Variants in IGF2BP3 observed in about 807,000 individuals in gnomAD.
IGF2BP3 encodes insulin-like growth factor 2 mRNA-binding protein 3.
In IGF2BP3, 9 loss-of-function variants were observed where a neutral mutation model predicts 73.8. The ratio of observed to expected loss-of-function variants is 0.12; its 90% CI spans 0.07 to 0.21. The LOEUF is 0.21. IGF2BP3 is among the 10% of genes least tolerant of loss of function. The pLI is 1.00. For missense variants in IGF2BP3, 542 were observed against 714.0 expected (o/e 0.76, Z 2.75); for synonymous variants, 258 against 256.7 (o/e 1.01, Z -0.05).
At chr7:23,416,482 C>T (rs1244011489) in intron 3 of IGF2BP3, among the ~76,000 whole-genome samples, 3 of 152,176 alleles carry the variant, frequency 2.0e-5, no homozygotes, top group Non-Finnish European at 4.4e-5. Flanking sequence ...ATTTGTCACT[C>T]TATCTTCTGT....
chr7:23,457,488 T>G (rs946008213), intron 2 of IGF2BP3, among the ~76,000 whole-genome samples: 1 of 152,102 alleles, frequency 6.6e-6, no homozygotes, highest in Non-Finnish European at 1.5e-5. Context: ...TTTTTTAAAC[T>G]TCTCAACAAG....
chr7:23,314,988 A>G (rs1783943854), intron 12 of IGF2BP3, among the ~76,000 whole-genome samples: 1 of 151,560 alleles, frequency 6.6e-6, no homozygotes, highest in Non-Finnish European at 1.5e-5. Context: ...ATTTTAGTTG[A>G]GACGGGGATT....
intron 8 of IGF2BP3, 123 bp downstream of exon 8, chr7:23,345,817 A>T: frequency 8.9e-7 from 1 of 1,120,350 alleles, no homozygotes; most frequent in South Asian, 1.6e-5. Flanking sequence ...TTGAGAAACC[A>T]TGTGTAAGTA....
chr7:23,378,569 G>GTTTTTTTTTT (rs1156868701), intron 3 of IGF2BP3, among the ~76,000 whole-genome samples: 1 of 65,884 alleles, frequency 1.5e-5, no homozygotes, highest in Admixed American at 2.2e-4. Flanking sequence ...ATTTTTGCTT[G>GTTTTTTTTTT]TTTTTTTTTT....
intron 10 of IGF2BP3, among the ~76,000 whole-genome samples, chr7:23,330,194 G>C (rs1175450140): frequency 1.3e-5 from 2 of 152,146 alleles, no homozygotes; most frequent in South Asian, 2.1e-4. Flanking sequence ...GCTGAGGCAG[G>C]AGAATGGCTT....
At chr7:23,368,295 GAAGACAGA>G (rs1289243171) in intron 3 of IGF2BP3, among the ~76,000 whole-genome samples, 2 of 140,686 alleles carry the variant, frequency 1.4e-5, no homozygotes, top group Non-Finnish European at 3.1e-5. Context: ...TTAGTATAGC[GAAGACAGA>G]AAGAGAGAAA....
At chr7:23,327,185 A>G (rs1199362324) in intron 10 of IGF2BP3, among the ~76,000 whole-genome samples, 3 of 152,224 alleles carry the variant, frequency 2.0e-5, no homozygotes, top group Admixed American at 6.5e-5. Flanking sequence ...TTCCTATTGC[A>G]TAATACTATA....
intron 2 of IGF2BP3, among the ~76,000 whole-genome samples, chr7:23,462,694 TC>T (rs2128551858): frequency 6.6e-6 from 1 of 152,284 alleles, no homozygotes; most frequent in Admixed American, 6.5e-5. Context: ...TTAAACTATT[TC>T]CTAATCAAGT....
In IGF2BP3 at chr7:23,351,719, G is replaced by C. The variant is rs1250807305; in HGVS notation, c.402-133C>G. ...TCTGAGTGAAGCCCCAGCACAAGCA[G>C]CAAACCCGCAACACACATAATCCTC... On this transcript the variant is annotated intron_variant, in intron 5 of 14. Transcript: ENST00000258729. 9.3e-6 allele frequency: 8 copies of C among 860,980 alleles called. No individual in the cohort carries two copies. In the East Asian group the frequency reaches 1.8e-4, roughly 20 times the overall value. 53.3% of individuals were successfully genotyped at this position (860,980 alleles called of 1,614,324 possible). A position where few individuals can be genotyped will look rare whatever the true frequency, so the allele number is the denominator to read the frequency against.
intron 3 of IGF2BP3, among the ~76,000 whole-genome samples, chr7:23,418,211 A>G (rs1205224422): frequency 6.6e-6 from 1 of 152,182 alleles, no homozygotes; most frequent in Non-Finnish European, 1.5e-5. Context: ...TTGTCTGAAG[A>G]GTCAAAAGAC....
intron 10 of IGF2BP3, among the ~76,000 whole-genome samples, chr7:23,330,136 A>G (rs888009134): frequency 6.6e-6 from 1 of 151,956 alleles, no homozygotes; most frequent in African/African-American, 2.4e-5. Context: ...AATACAAAAA[A>G]TAAGCCAGGC....
rs182691880 is a variant in IGF2BP3 at position 23,460,883 on chromosome 7, G to A, written c.236+7599C>T. Among the ~76,000 whole-genome samples the A allele has an allele frequency of 6.8e-3, 1,027 of 152,112 alleles. 13 individuals carry two copies. Among genetic ancestry groups the A allele is most frequent in the African/African-American group, 0.022 (915 of 41,484 alleles). On this transcript the variant is annotated intron_variant, in intron 2 of 14. Transcript: ENST00000258729. ...GGAGGACCTCTTGAACCCGGGAGGC[G>A]GAGGCTGCAGTGAGCCAAGATCGCA...
chr7:23,440,976 C>G (rs1252329463), intron 2 of IGF2BP3, among the ~76,000 whole-genome samples: 1 of 152,130 alleles, frequency 6.6e-6, no homozygotes, highest in Non-Finnish European at 1.5e-5. Flanking sequence ...ATGTTTACAA[C>G]TTTAGGTATC....
intron 5 of IGF2BP3, among the ~76,000 whole-genome samples, chr7:23,356,370 C>T (rs1785096712): frequency 6.6e-6 from 1 of 150,962 alleles, no homozygotes; most frequent in South Asian, 2.1e-4. Flanking sequence ...TCAGCCTCGG[C>T]AACACAGTGA....
chr7:23,386,977 GA>G (rs1786102249), intron 3 of IGF2BP3, among the ~76,000 whole-genome samples: 1 of 151,138 alleles, frequency 6.6e-6, no homozygotes, highest in African/African-American at 2.5e-5. Flanking sequence ...TGAGGCAGGA[GA>G]ATTGCTTGAA....
At chr7:23,417,024 C>A (rs1356820852) in intron 3 of IGF2BP3, among the ~76,000 whole-genome samples, 2 of 152,126 alleles carry the variant, frequency 1.3e-5, no homozygotes, top group Non-Finnish European at 2.9e-5. Context: ...CCATTCCACT[C>A]CAGCCTGGGC....
intron 3 of IGF2BP3, among the ~76,000 whole-genome samples, chr7:23,379,937 A>C (rs1295417437): frequency 6.6e-6 from 1 of 152,204 alleles, no homozygotes; most frequent in Non-Finnish European, 1.5e-5. Context: ...ACACAGGTGC[A>C]CTTGAGAGGT....
intron 10 of IGF2BP3, among the ~76,000 whole-genome samples, chr7:23,336,466 C>T (rs1049154651): frequency 1.3e-5 from 2 of 150,236 alleles, no homozygotes; most frequent in Non-Finnish European, 3.0e-5. Context: ...TTTTAAATAA[C>T]ATCATAGACC....
chr7:23,373,691 C>A (rs1785629547), intron 3 of IGF2BP3, among the ~76,000 whole-genome samples: 1 of 152,212 alleles, frequency 6.6e-6, no homozygotes, highest in South Asian at 2.1e-4. Context: ...AGCAATTCCA[C>A]TTCTGGGTAT....
Sources: gnomAD v4.1 joint callset for allele counts (sites outside exome capture counted in the v4.1 genomes callset) on GRCh38, gnomAD v4.1.1 for gene constraint, MANE v1.5 for transcripts, NCBI Gene and HGNC (gene_info 2026-07-23, HGNC 2026-07-21) for gene names.